The following CAMTA1 variants were observed in gnomAD, a reference collection of about 807,000 sequenced individuals.
The protein encoded by CAMTA1 is calmodulin binding transcription activator 1.
Under a neutral mutation model 170.9 loss-of-function variants are expected in CAMTA1, and 27 were observed. The observed-to-expected ratio is 0.16, with a 90% confidence interval of 0.12 to 0.22. The LOEUF is 0.22. Among genes scored for constraint, CAMTA1 ranks in the 10% least tolerant of loss-of-function variants. The pLI, the probability that CAMTA1 is intolerant of heterozygous loss-of-function variation, is 1.00. For synonymous variants in CAMTA1, 833 were observed against 891.5 expected, an observed-to-expected ratio of 0.93 and a Z score of 1.17; for missense variants, 1,619 against 2,217.2, an observed-to-expected ratio of 0.73 and a Z score of 5.42.
intron 5 of CAMTA1, among the ~76,000 whole-genome samples, chr1:7,437,834 C>T (rs547847081): frequency 1.1e-4 from 17 of 152,354 alleles, no homozygotes; most frequent in South Asian, 4.1e-4. Context: ...GGCTCCTACA[C>T]GGTCGGGCGG....
chr1:6,789,570 A>G (rs1192607852), intron 1 of CAMTA1, among the ~76,000 whole-genome samples: 1 of 151,854 alleles, frequency 6.6e-6, no homozygotes, highest in African/African-American at 2.4e-5. Context: ...TGATTCTCTT[A>G]TTTTCTTCTG....
chr1:7,194,513 A>G (rs1655151075), intron 4 of CAMTA1, among the ~76,000 whole-genome samples: 1 of 152,170 alleles, frequency 6.6e-6, no homozygotes, highest in Non-Finnish European at 1.5e-5. Flanking sequence ...GTCTTTTGGC[A>G]TATAGATCAT....
At chr1:7,196,891 G>T (rs1655623246) in intron 4 of CAMTA1, among the ~76,000 whole-genome samples, 1 of 152,202 alleles carries the variant, frequency 6.6e-6, no homozygotes, top group South Asian at 2.1e-4. Context: ...GTCCTCGGTT[G>T]TAATGAAAAG....
intron 5 of CAMTA1, among the ~76,000 whole-genome samples, chr1:7,461,833 A>G (rs1051963153): frequency 1.3e-5 from 2 of 152,252 alleles, no homozygotes; most frequent in Non-Finnish European, 2.9e-5. Context: ...CATACTCAGG[A>G]CCAGAAAACA....
chr1:7,761,309 G>A (rs953932823), intron 22 of CAMTA1, among the ~76,000 whole-genome samples: 1 of 152,198 alleles, frequency 6.6e-6, no homozygotes, highest in African/African-American at 2.4e-5. Flanking sequence ...GCTCTCCTGA[G>A]GGCAGCACTG....
chr1:7,722,877 A>G lies in CAMTA1; in HGVS notation c.2915-9571A>G, dbSNP rs149274699. On this transcript the variant is annotated intron_variant, in intron 11 of 22. Transcript: ENST00000303635. Reference sequence around the variant, plus strand: ...GCAGGCAGGAGGATAGCTTGAGGCCAGGAGTTCAGGACCAGTCTGGGCAAC... The same window carrying G: ...GCAGGCAGGAGGATAGCTTGAGGCCGGGAGTTCAGGACCAGTCTGGGCAAC... Among the ~76,000 whole-genome samples the G allele has an allele frequency of 1.4e-4, 22 of 152,256 alleles. 4 individuals are homozygous for G. Among genetic ancestry groups the G allele is most frequent in the African/African-American group, 5.3e-4 (22 of 41,538 alleles).
intron 11 of CAMTA1, among the ~76,000 whole-genome samples, chr1:7,678,133 G>T (rs2096142258): frequency 6.6e-6 from 1 of 152,196 alleles, no homozygotes; most frequent in African/African-American, 2.4e-5. Context: ...GCTCCTGGAA[G>T]CAAAAAGGGT....
rs2089556320 is a variant in CAMTA1 at position 7,398,191 on chromosome 1, CT to C, written c.439-69638del. Among the ~76,000 whole-genome samples the C allele has an allele frequency of 1.1e-4, 3 of 26,910 alleles. No individual in the cohort carries two copies. In the East Asian group the frequency reaches 3.0e-3, roughly 27 times the overall value. The allele number at this position is 26,910 out of a possible 152,430, so 17.7% of individuals were successfully genotyped here. A position where few individuals can be genotyped will look rare whatever the true frequency, so the allele number is the denominator to read the frequency against. ...TCTCTCTCTCTCTCTCTCTCTCTCT[CT>C]CTATATATATATATATATATATATA... On this transcript the variant is annotated intron_variant, in intron 5 of 22. Coordinates refer to ENST00000303635, the MANE Select transcript of CAMTA1 (RefSeq NM_015215.4).
intron 3 of CAMTA1, among the ~76,000 whole-genome samples, chr1:6,902,463 ATTCTGT>A (rs1294911105): frequency 6.6e-6 from 1 of 152,206 alleles, no homozygotes; most frequent in East Asian, 1.9e-4. Context: ...AAAAGGCCTG[ATTCTGT>A]TTATGTGACC....
rs12091666 is a variant in CAMTA1, at chr1:7,739,667, C to T, written c.4182+1185C>T. ...GAGAGCCGAGTGAAAGGGGAAACCC[C>T]TTATAAAACCATCAGATCTCAAGAG... On this transcript the variant is annotated intron_variant, in intron 16 of 22. Transcript: ENST00000303635. 6.5e-3 allele frequency among the ~76,000 whole-genome samples: 993 copies of T among 152,280 alleles called. 6 individuals are homozygous for T. Among genetic ancestry groups the T allele is most frequent in the African/African-American group, 0.022 (921 of 41,544 alleles).
intron 1 of CAMTA1, among the ~76,000 whole-genome samples, chr1:6,802,107 C>T (rs1306095398): frequency 3.9e-5 from 6 of 152,164 alleles, no homozygotes; most frequent in Non-Finnish European, 7.4e-5. Flanking sequence ...CAGAAGCAAT[C>T]GTAGCCTCTC....
intron 2 of CAMTA1, among the ~76,000 whole-genome samples, chr1:6,823,077 G>A (rs1291793793): frequency 6.6e-6 from 1 of 152,088 alleles, no homozygotes; most frequent in Non-Finnish European, 1.5e-5. Flanking sequence ...AAAGGTACCT[G>A]TAAATGTTGA....
chr1:7,297,433 A>G (rs184800858), intron 5 of CAMTA1, among the ~76,000 whole-genome samples: 17 of 152,212 alleles, frequency 1.1e-4, no homozygotes, highest in Non-Finnish European at 1.3e-4. Flanking sequence ...ACAAATGCCC[A>G]AGGTACTCAG....
At chr1:7,704,513 G>A (rs1457760124) in intron 11 of CAMTA1, among the ~76,000 whole-genome samples, 4 of 147,444 alleles carry the variant, frequency 2.7e-5, no homozygotes, top group Non-Finnish European at 3.0e-5. Flanking sequence ...CGCAACCTCC[G>A]GCCGGGCCCC....
intron 5 of CAMTA1, among the ~76,000 whole-genome samples, chr1:7,250,168 A>G (rs1666402982): frequency 6.6e-6 from 1 of 152,068 alleles, no homozygotes; most frequent in Non-Finnish European, 1.5e-5. Flanking sequence ...ACATCTTGGG[A>G]TCTTGGGCCG....
chr1:6,858,495 G>C (rs1295831819), intron 3 of CAMTA1, among the ~76,000 whole-genome samples: 33 of 141,300 alleles, frequency 2.3e-4, no homozygotes, highest in African/African-American at 8.2e-4. Flanking sequence ...TTGGGGGGGG[G>C]GTGTTGTGAT....
Position 7,309,287 on chromosome 1 carries a change from A to ATTT in CAMTA1, c.438+59689_438+59691dup, listed in dbSNP as rs34401498. 1.5e-3 allele frequency among the ~76,000 whole-genome samples: 103 copies of ATTT among 70,550 alleles called. 4 individuals carry two copies. The highest frequency in any genetic ancestry group is 6.2e-3 in the East Asian group (12 of 1,936). The allele number at this position is 70,550 out of a possible 152,430, so 46.3% of individuals were successfully genotyped here. The stretch of plus-strand genomic sequence containing the variant: ...GTCTTTTCATTATTGCAGTTAGAAA[A>ATTT]TTTTTTTTTTTTTTTTTTTTTTTTT... On this transcript the variant is annotated intron_variant, in intron 5 of 22. Transcript: ENST00000303635.
At chr1:7,345,468 C>T (rs563431933) in intron 5 of CAMTA1, among the ~76,000 whole-genome samples, 1 of 152,232 alleles carries the variant, frequency 6.6e-6, no homozygotes, top group Non-Finnish European at 1.5e-5. Context: ...GTCTCTGACA[C>T]ATCAGCCATG....
chr1:7,677,458 G>A, intron 10 of CAMTA1, 141 bp from the exon 11 acceptor site: 1 of 970,764 alleles, frequency 1.0e-6, no homozygotes, highest in Non-Finnish European at 1.5e-6. Context: ...CCTCGAATGA[G>A]CAGGCATAGG....
Sources: allele counts gnomAD v4.1 joint callset (sites outside exome capture counted in the v4.1 genomes callset), GRCh38; gene constraint gnomAD v4.1.1; transcripts MANE v1.5; gene names NCBI Gene and HGNC (gene_info 2026-07-23, HGNC 2026-07-21).